The following GFRAL variants were observed in gnomAD, a reference collection of about 807,000 sequenced individuals.
GFRAL encodes the protein GDNF family receptor alpha-like.
In GFRAL, 36 loss-of-function variants were observed where a neutral mutation model predicts 45.4. That is an observed-to-expected ratio of 0.79 (90% confidence interval 0.61 to 1.05). The LOEUF (loss-of-function observed/expected upper bound fraction) is 1.05, where lower values mean the gene tolerates loss of function less well. Among genes scored for constraint, GFRAL ranks in the 50% least tolerant of loss-of-function variants. The pLI, the probability that GFRAL is intolerant of heterozygous loss-of-function variation, is 0.00. For missense variants in GFRAL, 507 were observed against 467.5 expected, an observed-to-expected ratio of 1.08 and a Z score of -0.78; for synonymous variants, 166 against 154.1, an observed-to-expected ratio of 1.08 and a Z score of -0.57.
rs556638078 is a variant in GFRAL at position 55,377,007 on chromosome 6, C to T, written c.952+17869C>T. ...CTAATCTTTGCTTGACAACCAATTT[C>T]TACCTGAGCTCATGTCTCTTTTGTA... On this transcript the variant is annotated intron_variant, in intron 6 of 8. Transcript: ENST00000340465. Among the ~76,000 whole-genome samples, 147 of 152,032 alleles carry T rather than the reference C, an allele frequency of 9.7e-4. 2 individuals carry two copies. The South Asian group carries it at 0.029, about 30-fold the overall frequency.
chr6:55,370,971 C>T (rs1768442984), intron 6 of GFRAL, among the ~76,000 whole-genome samples: 1 of 152,206 alleles, frequency 6.6e-6, no homozygotes, highest in Admixed American at 6.5e-5. Context: ...TGCTCCCCAT[C>T]CTCTGATGCT....
chr6:55,401,849 T>A lies in GFRAL; in HGVS notation c.1181T>A (p.Leu394His). The A allele has an allele frequency of 6.7e-7, 1 of 1,495,054 alleles. No homozygotes were observed. 92.6% of individuals were successfully genotyped at this position (1,495,054 alleles called of 1,614,324 possible). Residue 394 changes from leucine to histidine, a missense_variant, in exon 9 of 9, where the codon CTC becomes CAC. Coordinates refer to ENST00000340465, the MANE Select transcript of GFRAL (RefSeq NM_207410.2). ...TCATCGATCCAAATACCTGGAGAAC[T>A]CTGATTCATTAGGAGTCATGGACCT... is the stretch of plus-strand genomic sequence containing the variant. The part of the protein sequence containing the change: ...DPSSIQIPGE[L>H]
intron 6 of GFRAL, among the ~76,000 whole-genome samples, chr6:55,370,690 A>AT (rs1768438488): frequency 6.6e-6 from 1 of 152,222 alleles, no homozygotes; most frequent in South Asian, 2.1e-4. Flanking sequence ...ATAAAATCAC[A>AT]TTATATAATG....
At chr6:55,345,246 A>C (rs1008409832) in intron 3 of GFRAL, among the ~76,000 whole-genome samples, 1 of 152,222 alleles carries the variant, frequency 6.6e-6, no homozygotes, top group Non-Finnish European at 1.5e-5. Flanking sequence ...GACAATCCTA[A>C]GCCAAAAGAA....
At chr6:55,353,975 C>T (rs981456344) in intron 5 of GFRAL, among the ~76,000 whole-genome samples, 4 of 151,944 alleles carry the variant, frequency 2.6e-5, no homozygotes, top group Admixed American at 6.6e-5. Context: ...ATATTTTAAC[C>T]AGCCAGGGCC....
intron 6 of GFRAL, among the ~76,000 whole-genome samples, chr6:55,395,356 A>C (rs1321438431): frequency 6.6e-6 from 1 of 151,802 alleles, no homozygotes; most frequent in Non-Finnish European, 1.5e-5. Flanking sequence ...CCACATATGA[A>C]ATATAAAGTC....
chr6:55,340,633 G>A (rs1290197725), intron 3 of GFRAL, among the ~76,000 whole-genome samples: 1 of 152,110 alleles, frequency 6.6e-6, no homozygotes, highest in Admixed American at 6.6e-5. Flanking sequence ...ATTTCCAACT[G>A]AGGTACCAGG....
chr6:55,340,181 A>C (rs1767943620), intron 3 of GFRAL, among the ~76,000 whole-genome samples: 1 of 152,180 alleles, frequency 6.6e-6, no homozygotes, highest in South Asian at 2.1e-4. Context: ...TGATAATTTA[A>C]ATCTTACCAT....
chr6:55,381,208 C>G (rs1483984050), intron 6 of GFRAL, among the ~76,000 whole-genome samples: 1 of 151,780 alleles, frequency 6.6e-6, no homozygotes, highest in Non-Finnish European at 1.5e-5. Flanking sequence ...AAGATTGTTC[C>G]CAACTGATTT....
intron 6 of GFRAL, among the ~76,000 whole-genome samples, chr6:55,389,972 T>C (rs942516905): frequency 6.6e-6 from 1 of 152,250 alleles, no homozygotes; most frequent in Non-Finnish European, 1.5e-5. Context: ...TATGGTGGAC[T>C]TTAAAATAAC....
chr6:55,359,347 T>A (rs999828222), intron 6 of GFRAL, among the ~76,000 whole-genome samples: 1 of 149,136 alleles, frequency 6.7e-6, no homozygotes, highest in Non-Finnish European at 1.5e-5. Context: ...ATTTTAAAAA[T>A]TTATATGATA....
chr6:55,340,655 G>A (rs1413327910), intron 3 of GFRAL, among the ~76,000 whole-genome samples: 1 of 152,112 alleles, frequency 6.6e-6, no homozygotes, highest in African/African-American at 2.4e-5. Context: ...TCATCTCACT[G>A]GGGCTTGTCA....
intron 6 of GFRAL, among the ~76,000 whole-genome samples, chr6:55,384,572 A>C (rs1561865721): frequency 6.6e-6 from 1 of 152,094 alleles, no homozygotes; most frequent in Non-Finnish European, 1.5e-5. Flanking sequence ...CATCAAGCAC[A>C]CTGTGTTTAG....
chr6:55,364,332 A>G (rs1460242200), intron 6 of GFRAL, among the ~76,000 whole-genome samples: 2 of 150,192 alleles, frequency 1.3e-5, no homozygotes, highest in South Asian at 2.1e-4. Context: ...TAGATTCTGG[A>G]TATTAGCCCT....
intron 3 of GFRAL, among the ~76,000 whole-genome samples, chr6:55,345,889 C>A (rs1282821362): frequency 2.0e-5 from 3 of 152,156 alleles, no homozygotes; most frequent in African/African-American, 2.4e-5. Context: ...AGGATATGAA[C>A]AGACACTTCT....
chr6:55,367,543 T>C lies in GFRAL; in HGVS notation c.952+8405T>C, dbSNP rs1768381868. Among the ~76,000 whole-genome samples the C allele has an allele frequency of 2.0e-5, 3 of 151,226 alleles. No individual in the cohort carries two copies. The South Asian group carries it at 6.3e-4, about 32-fold the overall frequency. On this transcript the variant is annotated intron_variant, in intron 6 of 8. Transcript: ENST00000340465. ...TGCAGTTTCTTCCTAGTCTCGATGG[T>C]CTTTACATTTTGGCATGATTTTGCA... is the stretch of plus-strand genomic sequence containing the variant.
At chr6:55,390,222 A>G (rs1171634298) in intron 6 of GFRAL, among the ~76,000 whole-genome samples, 1 of 152,256 alleles carries the variant, frequency 6.6e-6, no homozygotes, top group African/African-American at 2.4e-5. Flanking sequence ...AAAAGCTAGT[A>G]TTTATTAAGC....
chr6:55,374,105 T>TG, intron 6 of GFRAL, among the ~76,000 whole-genome samples: 1 of 152,324 alleles, frequency 6.6e-6, no homozygotes, highest in South Asian at 2.1e-4. Context: ...CTGCATAGTA[T>TG]CCCATGGTAT....
In GFRAL at chr6:55,353,011, G is replaced by C. The variant is rs568646459; in HGVS notation, c.701+1428G>C. ...GCAAACAGTAGATACTGAGAGAGGA[G>C]ATATTAAGCAAACTGACCAGCCAGT... On this transcript the variant is annotated intron_variant, in intron 5 of 8. Coordinates refer to ENST00000340465, the MANE Select transcript of GFRAL (RefSeq NM_207410.2). Among the ~76,000 whole-genome samples, 68 of 152,140 alleles carry C rather than the reference G, an allele frequency of 4.5e-4. No individual in the cohort carries two copies. In the South Asian group the frequency reaches 0.013, roughly 30 times the overall value.
Sources: allele counts gnomAD v4.1 joint callset (sites outside exome capture counted in the v4.1 genomes callset), GRCh38; gene constraint gnomAD v4.1.1; transcripts MANE v1.5; gene names NCBI Gene and HGNC (gene_info 2026-07-23, HGNC 2026-07-21).